The following SLC15A5 variants were observed in gnomAD, a reference collection of about 807,000 sequenced individuals.
SLC15A5 encodes solute carrier family 15 member 5, also known as Peptide/histidine transporter ENSP00000340402.
SLC15A5 carries 58 observed loss-of-function variants against 56.1 expected under a neutral mutation model. The observed-to-expected ratio is 1.03, with a 90% CI of 0.84 to 1.29. The LOEUF is 1.29. SLC15A5 is among the 50% of genes most tolerant of loss of function. The pLI, the probability that SLC15A5 is intolerant of heterozygous loss-of-function variation, is 0.00. For missense variants in SLC15A5, 681 were observed against 672.1 expected (o/e 1.01, Z -0.15); for synonymous variants, 264 against 250.5 (o/e 1.05, Z -0.51).
chr12:16,224,834 C>T lies in SLC15A5; in HGVS notation c.1163-232G>A, dbSNP rs548903861. Among the ~76,000 whole-genome samples the T allele has an allele frequency of 3.3e-5, 5 of 151,272 alleles. No homozygotes were observed. The East Asian group carries it at 7.8e-4, about 24-fold the overall frequency. On this transcript the variant is annotated intron_variant, in intron 5 of 8. Coordinates refer to ENST00000344941, the MANE Select transcript of SLC15A5 (RefSeq NM_001170798.1). ...TGTTGGTGTTCTGCACCCATTAACT[C>T]GTCATTTACAATAGGTATATCTCCT...
In SLC15A5 at chr12:16,224,579, A is replaced by G; in HGVS notation, c.1186T>C (p.Leu396=). 2 of 1,533,350 alleles carry G rather than the reference A, an allele frequency of 1.3e-6. No individual in the cohort carries two copies. The highest frequency in any genetic ancestry group is 1.2e-5 in the South Asian group (1 of 83,396). 95.0% of individuals were successfully genotyped at this position (1,533,350 alleles called of 1,614,324 possible). Residue 396 remains leucine (L), a synonymous_variant, in exon 6 of 9, where the codon TTG becomes CTG. Coordinates refer to ENST00000344941, the MANE Select transcript of SLC15A5 (RefSeq NM_001170798.1). Reference sequence around the variant, plus strand: ...AAGAAGCCAGCTATCATCACAGACAATGCAGCAAAAAGATTTCCAGCAACT... The same window carrying G: ...AAGAAGCCAGCTATCATCACAGACAGTGCAGCAAAAAGATTTCCAGCAACT... The part of the protein sequence containing the change: ...CIIAGNLFAA[L]SVMIAGFFEI...
At chr12:16,230,340 T>G (rs1004577633) in intron 5 of SLC15A5, among the ~76,000 whole-genome samples, 10 of 152,098 alleles carry the variant, frequency 6.6e-5, no homozygotes, top group Admixed American at 6.6e-5. Context: ...GTTGATGAGT[T>G]TAAACAAAAG....
chr12:16,266,022 A>G (rs1273190515), intron 2 of SLC15A5, among the ~76,000 whole-genome samples: 1 of 152,152 alleles, frequency 6.6e-6, no homozygotes, highest in Non-Finnish European at 1.5e-5. Flanking sequence ...AAAAACTAAA[A>G]CCTCTCAATA....
chr12:16,234,465 T>A (rs1430760494), intron 5 of SLC15A5, among the ~76,000 whole-genome samples: 5 of 152,228 alleles, frequency 3.3e-5, no homozygotes, highest in African/African-American at 1.2e-4. Flanking sequence ...AAGCAAACTT[T>A]GATTCCGACC....
At position 16,235,067 on chromosome 12, in the gene SLC15A5, T is replaced by G. The variant is rs1270494450; in HGVS notation, c.1162+4614A>C. Among the ~76,000 whole-genome samples the G allele has an allele frequency of 2.0e-5, 3 of 152,006 alleles. No homozygotes were observed. The highest frequency in any genetic ancestry group is 4.4e-5 in the Non-Finnish European group (3 of 67,954). On this transcript the variant is annotated intron_variant, in intron 5 of 8. Coordinates refer to ENST00000344941, the MANE Select transcript of SLC15A5 (RefSeq NM_001170798.1). The surrounding 1 kb of genome is among the most constrained non-coding windows in gnomAD (Gnocchi z 4.1). ...TGCTCAGTGTTAATATATCATTCAG[T>G]GTTCATGAACTACTCTCATAAAGAC...
In SLC15A5 at chr12:16,263,544, GTAAC is replaced by G. The variant is rs748301723; in HGVS notation, c.585-5678_585-5675del. Among the ~76,000 whole-genome samples the G allele has an allele frequency of 9.4e-4, 143 of 152,152 alleles. 1 individual carries two copies. The highest frequency in any genetic ancestry group is 1.0e-3 in the Non-Finnish European group (68 of 68,040). On this transcript the variant is annotated intron_variant, in intron 2 of 8. Coordinates refer to ENST00000344941, the MANE Select transcript of SLC15A5 (RefSeq NM_001170798.1). ...AAGCCCGCTGCAGAAATTTGCATAAGTAACAAGAAACCAAATGTTAATCCCCAAG... is the reference window on the plus strand; with the variant it reads ...AAGCCCGCTGCAGAAATTTGCATAAGAAGAAACCAAATGTTAATCCCCAAG...
chr12:16,210,090 G>T (rs984725384), intron 7 of SLC15A5, among the ~76,000 whole-genome samples: 1 of 152,058 alleles, frequency 6.6e-6, no homozygotes, highest in African/African-American at 2.4e-5. Flanking sequence ...CCTTCTCTGG[G>T]TTCCTCTTAT....
intron 4 of SLC15A5, among the ~76,000 whole-genome samples, chr12:16,241,913 TG>T: frequency 6.6e-6 from 1 of 152,302 alleles, no homozygotes; most frequent in East Asian, 1.9e-4. Context: ...AAGGCTGCAG[TG>T]TCTTGAAAGC....
chr12:16,220,653 G>A (rs902861686), intron 6 of SLC15A5, among the ~76,000 whole-genome samples: 2 of 152,142 alleles, frequency 1.3e-5, no homozygotes, highest in African/African-American at 4.8e-5. Context: ...TTGAGTAATT[G>A]TAACAGAGAC....
chr12:16,261,169 C>A (rs961330369), intron 2 of SLC15A5, among the ~76,000 whole-genome samples: 1 of 152,134 alleles, frequency 6.6e-6, no homozygotes, highest in African/African-American at 2.4e-5. Flanking sequence ...TTACGACATT[C>A]AAGATAACAA....
At chr12:16,265,205 C>T (rs1864682083) in intron 2 of SLC15A5, among the ~76,000 whole-genome samples, 3 of 152,080 alleles carry the variant, frequency 2.0e-5, no homozygotes, top group African/African-American at 7.2e-5. Flanking sequence ...TGGAGAAAAT[C>T]ACAGCTATTG....
chr12:16,246,938 C>T lies in SLC15A5; in HGVS notation c.755-2138G>A, dbSNP rs1358489290. 2.0e-5 allele frequency among the ~76,000 whole-genome samples: 3 copies of T among 152,020 alleles called. 1 individual carries two copies. Among genetic ancestry groups the T allele is most frequent in the East Asian group, 1.9e-4 (1 of 5,188 alleles). On this transcript the variant is annotated intron_variant, in intron 3 of 8. Coordinates refer to ENST00000344941, the MANE Select transcript of SLC15A5 (RefSeq NM_001170798.1). ...GTTTTTAAAAAAATATCTCAACTAT[C>T]GTGGTCAATTCATTTGTGAAATCCA... is the stretch of plus-strand genomic sequence containing the variant.
intron 7 of SLC15A5, among the ~76,000 whole-genome samples, chr12:16,209,281 T>C (rs1446827845): frequency 1.3e-5 from 2 of 152,070 alleles, no homozygotes; most frequent in Non-Finnish European, 2.9e-5. Flanking sequence ...TACACACATA[T>C]ATGTGTGTAT....
chr12:16,271,064 T>G lies in SLC15A5; in HGVS notation c.584+1497A>C, dbSNP rs12315920. Among the ~76,000 whole-genome samples, 6,552 of 152,238 alleles carry G rather than the reference T, an allele frequency of 0.043. 213 individuals carry two copies. The highest frequency in any genetic ancestry group is 0.068 in the Non-Finnish European group (4,609 of 67,994). On this transcript the variant is annotated intron_variant, in intron 2 of 8. Coordinates refer to ENST00000344941, the MANE Select transcript of SLC15A5 (RefSeq NM_001170798.1). This position sits in a 1 kb window ranked among gnomAD's most constrained non-coding sequence, Gnocchi z 8.0. Reference sequence around the variant, plus strand: ...AATAATTTTTAAAAATCTAAATATGTTCATCCTAAATTTGGCCTGGTTCCT... The same window carrying G: ...AATAATTTTTAAAAATCTAAATATGGTCATCCTAAATTTGGCCTGGTTCCT...
chr12:16,200,480 CAAAG>C (rs1047542226), intron 7 of SLC15A5, among the ~76,000 whole-genome samples: 1 of 151,748 alleles, frequency 6.6e-6, no homozygotes, highest in Non-Finnish European at 1.5e-5. Flanking sequence ...ATCAAATTGT[CAAAG>C]AAGAGATGTA....
intron 5 of SLC15A5, 34 bp downstream of exon 5, chr12:16,239,647 A>G (rs989148338): frequency 1.3e-6 from 2 of 1,522,626 alleles, no homozygotes; most frequent in Non-Finnish European, 1.8e-6. Context: ...AAAAGTTTCA[A>G]ACGATTCGCA....
Position 16,212,079 on chromosome 12 carries a change from T to C in SLC15A5, c.1483+4814A>G, listed in dbSNP as rs116320643. 5.3e-3 allele frequency among the ~76,000 whole-genome samples: 814 copies of C among 152,248 alleles called. 4 individuals carry two copies. Among genetic ancestry groups the C allele is most frequent in the African/African-American group, 0.019 (783 of 41,542 alleles). On this transcript the variant is annotated intron_variant, in intron 7 of 8. Coordinates refer to ENST00000344941, the MANE Select transcript of SLC15A5 (RefSeq NM_001170798.1). Reference sequence around the variant, plus strand: ...AAAATATCCTATATACTAAATGAAATGCTGAAGGATGTAGGGTGCCTAAAT... The same window carrying C: ...AAAATATCCTATATACTAAATGAAACGCTGAAGGATGTAGGGTGCCTAAAT...
intron 1 of SLC15A5, 35 bp from the exon 2 acceptor site, chr12:16,272,818 A>G: frequency 6.6e-7 from 1 of 1,506,072 alleles, no homozygotes; most frequent in Non-Finnish European, 8.9e-7. Flanking sequence ...TAAATGTAGC[A>G]TAGAACAAGT....
intron 5 of SLC15A5, among the ~76,000 whole-genome samples, chr12:16,227,600 A>G (rs191024287): frequency 2.4e-4 from 36 of 152,334 alleles, no homozygotes; most frequent in Non-Finnish European, 4.1e-4. Flanking sequence ...TTGTGAAAGC[A>G]TCAGACAGAT....
Sources: gnomAD v4.1 joint callset for allele counts (sites outside exome capture counted in the v4.1 genomes callset) on GRCh38, gnomAD v4.1.1 for gene constraint, Gnocchi (gnomAD v3.1) non-coding constraint, MANE v1.5 for transcripts, NCBI Gene and HGNC (gene_info 2026-07-23, HGNC 2026-07-21) for gene names.